Variants in DPP10 observed in about 807,000 individuals in gnomAD.
DPP10 encodes the protein inactive dipeptidyl peptidase 10.
A neutral mutation model predicts 120.9 loss-of-function variants in DPP10; 33 were observed. The observed-to-expected ratio is 0.27, with a 90% CI of 0.21 to 0.37. DPP10 has a LOEUF of 0.37. Ranked by LOEUF, DPP10 falls within the 10% of genes least tolerant of loss-of-function variation. The pLI, the probability that DPP10 is intolerant of heterozygous loss-of-function variation, is 1.00. For missense variants in DPP10, 816 were observed against 942.8 expected (o/e 0.87, Z 1.76); for synonymous variants, 337 against 326.1 (o/e 1.03, Z -0.36).
At chr2:115,658,686 C>A (rs549137613) in intron 5 of DPP10, among the ~76,000 whole-genome samples, 1 of 152,182 alleles carries the variant, frequency 6.6e-6, no homozygotes, top group South Asian at 2.1e-4. Context: ...CTGAAGAAGG[C>A]AGCTTTCTAT....
At chr2:115,334,638 T>C (rs149651256) in intron 2 of DPP10, among the ~76,000 whole-genome samples, 1 of 152,086 alleles carries the variant, frequency 6.6e-6, no homozygotes, top group African/African-American at 2.4e-5. Context: ...TAAAAGTAAA[T>C]CTGAGAATAC....
Position 115,800,013 on chromosome 2 carries a change from G to A in DPP10, c.1700+8657G>A, listed in dbSNP as rs1389371653. 4.3e-3 allele frequency among the ~76,000 whole-genome samples: 649 copies of A among 151,156 alleles called. 7 individuals are homozygous for A. Among genetic ancestry groups the A allele is most frequent in the African/African-American group, 0.015 (622 of 41,024 alleles). On this transcript the variant is annotated intron_variant, in intron 19 of 25. Coordinates refer to ENST00000410059, the MANE Select transcript of DPP10 (RefSeq NM_020868.6). Reference sequence around the variant, plus strand: ...TAGATCCCTGAGGAATCGCCACACCGACTTCCACAATGGTTGAACTAGTTT... The same window carrying A: ...TAGATCCCTGAGGAATCGCCACACCAACTTCCACAATGGTTGAACTAGTTT...
chr2:114,951,150 C>A (rs902051045), intron 1 of DPP10, among the ~76,000 whole-genome samples: 1 of 152,074 alleles, frequency 6.6e-6, no homozygotes, highest in Non-Finnish European at 1.5e-5. Context: ...AGAAAGCGTG[C>A]CTTCATAAGT....
At chr2:115,409,055 C>T (rs1261221832) in intron 3 of DPP10, among the ~76,000 whole-genome samples, 1 of 151,840 alleles carries the variant, frequency 6.6e-6, no homozygotes, top group East Asian at 1.9e-4. Flanking sequence ...AAAAAAAATA[C>T]TGATAGACTT....
chr2:114,467,639 T>C lies in DPP10; in HGVS notation c.60+24801T>C, dbSNP rs1677863298. Among the ~76,000 whole-genome samples, 7 of 152,318 alleles carry C rather than the reference T, an allele frequency of 4.6e-5. No individual in the cohort carries two copies. The South Asian group carries it at 1.4e-3, about 32-fold the overall frequency. ...CAGGTGATAAGGAATCAATGCTTGTTTTTTGTTGAATTAACTTGATTTTAA... is the reference window on the plus strand; with the variant it reads ...CAGGTGATAAGGAATCAATGCTTGTCTTTTGTTGAATTAACTTGATTTTAA... On this transcript the variant is annotated intron_variant, in intron 1 of 25. Transcript: ENST00000410059.
At chr2:115,029,446 G>A (rs1703691725) in intron 1 of DPP10, among the ~76,000 whole-genome samples, 1 of 149,796 alleles carries the variant, frequency 6.7e-6, no homozygotes, top group Non-Finnish European at 1.5e-5. Flanking sequence ...ATTTCTTTTT[G>A]CACATTAGCG....
intron 3 of DPP10, 103 bp from the exon 4 acceptor site, chr2:115,499,407 G>A: frequency 1.1e-6 from 1 of 877,336 alleles, no homozygotes; most frequent in Non-Finnish European, 1.7e-6. Context: ...GGCTAAAAAT[G>A]ATTATTCTAA....
At chr2:115,266,635 G>A (rs1185104464) in intron 1 of DPP10, among the ~76,000 whole-genome samples, 1 of 152,018 alleles carries the variant, frequency 6.6e-6, no homozygotes. Flanking sequence ...ATATGATTTT[G>A]TCCAGAATGG....
chr2:114,587,766 T>C (rs1691125401), intron 1 of DPP10, among the ~76,000 whole-genome samples: 1 of 152,242 alleles, frequency 6.6e-6, no homozygotes, highest in African/African-American at 2.4e-5. Context: ...ATTTTACACA[T>C]TTTTGATTCT....
chr2:115,803,463 A>G (rs1354125321), intron 19 of DPP10, among the ~76,000 whole-genome samples: 1 of 152,090 alleles, frequency 6.6e-6, no homozygotes, highest in African/African-American at 2.4e-5. Context: ...TGTGAATTTG[A>G]TCCTGTCATT....
chr2:114,634,416 G>T (rs1558951813), intron 1 of DPP10, among the ~76,000 whole-genome samples: 1 of 151,466 alleles, frequency 6.6e-6, no homozygotes, highest in Non-Finnish European at 1.5e-5. Context: ...ATCATTAATT[G>T]GTGAATGAGG....
chr2:114,751,327 C>G (rs1679196732), intron 1 of DPP10, among the ~76,000 whole-genome samples: 1 of 152,168 alleles, frequency 6.6e-6, no homozygotes, highest in African/African-American at 2.4e-5. Flanking sequence ...AAAGCTAGTA[C>G]TTGCTACCTG....
At chr2:115,217,166 T>G (rs1247678750) in intron 1 of DPP10, among the ~76,000 whole-genome samples, 1 of 152,222 alleles carries the variant, frequency 6.6e-6, no homozygotes, top group African/African-American at 2.4e-5. Flanking sequence ...GAATAGGTTT[T>G]GAACATTTTA....
intron 1 of DPP10, among the ~76,000 whole-genome samples, chr2:114,797,026 G>A (rs1683777399): frequency 6.6e-6 from 1 of 152,194 alleles, no homozygotes; most frequent in African/African-American, 2.4e-5. Flanking sequence ...AGATACATAA[G>A]AGGATAAAAG....
chr2:115,629,925 C>A (rs1340514271), intron 5 of DPP10, among the ~76,000 whole-genome samples: 1 of 152,058 alleles, frequency 6.6e-6, no homozygotes. Context: ...AGTTTTTTTC[C>A]AATTCTGTGA....
chr2:115,685,958 G>C (rs1328976755), intron 5 of DPP10, among the ~76,000 whole-genome samples: 1 of 151,880 alleles, frequency 6.6e-6, no homozygotes, highest in Non-Finnish European at 1.5e-5. Context: ...AAGTTAACTT[G>C]TGCCCCACAA....
intron 1 of DPP10, among the ~76,000 whole-genome samples, chr2:115,119,279 A>G (rs138682853): frequency 1.3e-5 from 2 of 152,238 alleles, no homozygotes; most frequent in African/African-American, 4.8e-5. Context: ...TTTGTCTTTT[A>G]CTGTGCATGC....
intron 1 of DPP10, among the ~76,000 whole-genome samples, chr2:114,716,930 A>T (rs1020776205): frequency 5.9e-5 from 9 of 152,156 alleles, no homozygotes; most frequent in African/African-American, 2.2e-4. Flanking sequence ...CAACTATCAC[A>T]TTTCTTCAAA....
At chr2:115,708,576 C>T (rs549219837) in intron 7 of DPP10, among the ~76,000 whole-genome samples, 7 of 152,104 alleles carry the variant, frequency 4.6e-5, no homozygotes, top group African/African-American at 1.7e-4. Context: ...AGCTTGTCCA[C>T]TAACTTTTTT....
Sources: allele counts gnomAD v4.1 joint callset (sites outside exome capture counted in the v4.1 genomes callset), GRCh38; gene constraint gnomAD v4.1.1; transcripts MANE v1.5; gene names NCBI Gene and HGNC (gene_info 2026-07-23, HGNC 2026-07-21).